Variants in PTPRD observed in about 807,000 individuals in gnomAD.
PTPRD encodes the protein receptor-type tyrosine-protein phosphatase delta.
PTPRD carries 34 observed loss-of-function variants against 214.5 expected under a neutral mutation model. That is an observed-to-expected ratio of 0.16 (90% CI 0.12 to 0.21). PTPRD has a LOEUF of 0.21. Among genes scored for constraint, PTPRD ranks in the 10% least tolerant of loss-of-function variants. PTPRD has a pLI of 1.00. For synonymous variants in PTPRD, 1,128 were observed against 845.7 expected, an observed-to-expected ratio of 1.33 and a Z score of -5.79; for missense variants, 2,545 against 2,398.7, an observed-to-expected ratio of 1.06 and a Z score of -1.27.
chr9:9,896,419 G>T (rs1458678449), intron 5 of PTPRD, among the ~76,000 whole-genome samples: 2 of 151,944 alleles, frequency 1.3e-5, no homozygotes, highest in Non-Finnish European at 2.9e-5. Flanking sequence ...GTTTCAAGCA[G>T]CTGAAACTGG....
chr9:10,131,631 G>A (rs2098886352), intron 3 of PTPRD, among the ~76,000 whole-genome samples: 1 of 152,040 alleles, frequency 6.6e-6, no homozygotes, highest in Admixed American at 6.6e-5. Flanking sequence ...ATATATGAAG[G>A]AAGATGTAAG....
At chr9:9,088,425 TAA>T (rs1439480087) in intron 10 of PTPRD, among the ~76,000 whole-genome samples, 1 of 149,850 alleles carries the variant, frequency 6.7e-6, no homozygotes, top group Non-Finnish European at 1.5e-5. Flanking sequence ...ACAAAAAATA[TAA>T]AAATTAGCTG....
chr9:10,338,767 T>C (rs1270362382), intron 3 of PTPRD, among the ~76,000 whole-genome samples: 3 of 151,754 alleles, frequency 2.0e-5, no homozygotes, highest in Non-Finnish European at 2.9e-5. Flanking sequence ...TTGAGAGAGA[T>C]AGCCCATGTT....
intron 11 of PTPRD, among the ~76,000 whole-genome samples, chr9:8,988,565 G>T (rs188219047): frequency 4.8e-4 from 73 of 152,152 alleles, no homozygotes; most frequent in Non-Finnish European, 4.3e-4. Flanking sequence ...ATAAAAACAG[G>T]TTTTAGCAGT....
At chr9:10,209,765 T>C (rs1266570951) in intron 3 of PTPRD, among the ~76,000 whole-genome samples, 5 of 152,130 alleles carry the variant, frequency 3.3e-5, no homozygotes, top group Non-Finnish European at 5.9e-5. Context: ...CAAAAATACA[T>C]AATGCAGAGA....
chr9:10,304,521 T>A (rs2095989279), intron 3 of PTPRD, among the ~76,000 whole-genome samples: 1 of 152,160 alleles, frequency 6.6e-6, no homozygotes, highest in African/African-American at 2.4e-5. Flanking sequence ...CCCCATCGTC[T>A]CAGCCCTATA....
chr9:10,120,524 A>ATCATAATATCAGTGCAC (rs1380663775), intron 3 of PTPRD, among the ~76,000 whole-genome samples: 1 of 152,042 alleles, frequency 6.6e-6, no homozygotes, highest in Non-Finnish European at 1.5e-5. Flanking sequence ...TAAATTGTCA[A>ATCATAATATCAGTGCAC]TCATAATATC....
rs191924834 is a variant in PTPRD at position 10,151,129 on chromosome 9, C to T, written c.-544-117339G>A. Reference sequence around the variant, plus strand: ...AGGCTGGAGTACAGTGGTGCGATCTCGGCTCACTGTAACATTTGCCTCTGG... The same window carrying T: ...AGGCTGGAGTACAGTGGTGCGATCTTGGCTCACTGTAACATTTGCCTCTGG... On this transcript the variant is annotated intron_variant, in intron 3 of 45. Coordinates refer to ENST00000381196, the MANE Select transcript of PTPRD (RefSeq NM_002839.4). 1.6e-3 allele frequency among the ~76,000 whole-genome samples: 227 copies of T among 142,302 alleles called. 3 individuals carry two copies. In the Middle Eastern group the frequency reaches 0.03, roughly 19 times the overall value. The allele number at this position is 142,302 out of a possible 152,430, so 93.4% of individuals were successfully genotyped here.
intron 9 of PTPRD, among the ~76,000 whole-genome samples, chr9:9,356,780 T>C (rs575925412): frequency 2.6e-5 from 4 of 151,552 alleles, no homozygotes; most frequent in Non-Finnish European, 4.4e-5. Context: ...ATTTTCATTA[T>C]GAAAAAGAAA....
chr9:8,796,060 A>C (rs1162653210), intron 11 of PTPRD, among the ~76,000 whole-genome samples: 2 of 152,230 alleles, frequency 1.3e-5, no homozygotes, highest in Non-Finnish European at 2.9e-5. Flanking sequence ...TTTCTAACAA[A>C]AACGTATGAA....
intron 4 of PTPRD, among the ~76,000 whole-genome samples, chr9:9,981,574 A>T (rs1405013545): frequency 6.6e-6 from 1 of 151,540 alleles, no homozygotes; most frequent in Non-Finnish European, 1.5e-5. Context: ...GTTAGCCAGG[A>T]TGGTCTCGAT....
intron 36 of PTPRD, among the ~76,000 whole-genome samples, chr9:8,403,790 T>C (rs564678373): frequency 5.6e-4 from 85 of 152,282 alleles, no homozygotes; most frequent in African/African-American, 1.9e-3. Context: ...CACCACATTA[T>C]CAACTTTGAA....
chr9:9,564,933 C>A (rs1444780921), intron 8 of PTPRD, among the ~76,000 whole-genome samples: 1 of 101,002 alleles, frequency 9.9e-6, no homozygotes, highest in African/African-American at 3.6e-5. Context: ...CTAAGGCTAA[C>A]CTGTTATGGG....
At chr9:8,414,091 A>C (rs1289031104) in intron 35 of PTPRD, among the ~76,000 whole-genome samples, 1 of 152,198 alleles carries the variant, frequency 6.6e-6, no homozygotes, top group Non-Finnish European at 1.5e-5. Context: ...GGTAGGATAC[A>C]CAGCAACAAT....
At chr9:8,755,380 T>G (rs1340975302) in intron 11 of PTPRD, among the ~76,000 whole-genome samples, 2 of 151,742 alleles carry the variant, frequency 1.3e-5, no homozygotes, top group East Asian at 3.9e-4. Context: ...AAATACAAAA[T>G]TAGCCGAGCA....
intron 9 of PTPRD, among the ~76,000 whole-genome samples, chr9:9,205,470 A>C (rs940177496): frequency 6.6e-6 from 1 of 152,184 alleles, no homozygotes; most frequent in Non-Finnish European, 1.5e-5. Context: ...CTAGATAATA[A>C]TAATAATATA....
intron 7 of PTPRD, among the ~76,000 whole-genome samples, chr9:9,612,140 A>C (rs891522626): frequency 1.3e-5 from 2 of 152,162 alleles, no homozygotes; most frequent in Non-Finnish European, 2.9e-5. Context: ...AATAAAATTG[A>C]GTACATATTT....
At chr9:10,565,730 C>A (rs934524356) in intron 2 of PTPRD, among the ~76,000 whole-genome samples, 1 of 151,990 alleles carries the variant, frequency 6.6e-6, no homozygotes, top group Non-Finnish European at 1.5e-5. Flanking sequence ...CAGACGTCAT[C>A]TTACTCTTTT....
chr9:8,742,649 A>C (rs1360897509), intron 11 of PTPRD, among the ~76,000 whole-genome samples: 1 of 152,214 alleles, frequency 6.6e-6, no homozygotes, highest in Non-Finnish European at 1.5e-5. Flanking sequence ...AATTTTAAAA[A>C]TTCACTTTGA....
Sources: gnomAD v4.1 joint callset for allele counts (sites outside exome capture counted in the v4.1 genomes callset) on GRCh38, gnomAD v4.1.1 for gene constraint, MANE v1.5 for transcripts, NCBI Gene and HGNC (gene_info 2026-07-23, HGNC 2026-07-21) for gene names.